SLC30A7: variants seen among roughly 807,000 people sequenced by gnomAD.
SLC30A7 encodes the protein zinc transporter 7.
SLC30A7 carries 35 observed loss-of-function variants against 46.0 expected under a neutral mutation model. That is an observed-to-expected ratio of 0.76 (90% CI 0.58 to 1.01). The LOEUF (loss-of-function observed/expected upper bound fraction) is 1.01, where lower values mean the gene tolerates loss of function less well. SLC30A7 is among the 50% of genes least tolerant of loss of function. The pLI is 0.00. For missense variants in SLC30A7, 464 were observed against 451.1 expected (o/e 1.03, Z -0.26); for synonymous variants, 147 against 157.8 (o/e 0.93, Z 0.51).
At chr1:100,993,559 A>AATATATATATATATATATATAAATATAT in the SLC30A7 span, among the ~76,000 whole-genome samples, 1 of 56,536 alleles carries the variant, frequency 1.8e-5, no homozygotes, top group African/African-American at 6.2e-5. Flanking sequence ...CGAAAATATA[A>AATATATATATATATATATATAAATATAT]ATATATATAT....
chr1:100,921,133 T>C (rs556846451), intron 7 of SLC30A7, among the ~76,000 whole-genome samples: 2 of 152,234 alleles, frequency 1.3e-5, no homozygotes, highest in South Asian at 4.1e-4. Context: ...TTAAAAATAT[T>C]CAAATCAGTG....
intron 5 of SLC30A7, 73 bp from the exon 6 acceptor site, chr1:100,913,590 A>T: frequency 9.4e-7 from 1 of 1,060,048 alleles, no homozygotes; most frequent in Non-Finnish European, 1.4e-6. Flanking sequence ...TCTTTGCGCT[A>T]GTGTCAGTAT....
intron 2 of SLC30A7, 51 bp from the exon 3 acceptor site, chr1:100,906,801 C>G (rs1361900156): frequency 8.5e-7 from 1 of 1,181,538 alleles, no homozygotes; most frequent in South Asian, 1.2e-5. Flanking sequence ...GAGAAAGATG[C>G]CTACTGTTTG....
chr1:100,939,503 C>A (rs939060912), intron 8 of SLC30A7, among the ~76,000 whole-genome samples: 11 of 151,900 alleles, frequency 7.2e-5, no homozygotes, highest in African/African-American at 1.9e-4. Context: ...ACACAGAAGT[C>A]GACTCGAACA....
Position 100,896,102 on chromosome 1 carries a change from A to T in SLC30A7, c.-161A>T, listed in dbSNP as rs1351634781. 1.1e-5 allele frequency: 7 copies of T among 652,350 alleles called. No individual in the cohort carries two copies. The South Asian group carries it at 1.2e-4, about 12-fold the overall frequency. The allele number at this position is 652,350 out of a possible 1,614,324, so 40.4% of individuals were successfully genotyped here. On this transcript the variant is annotated 5_prime_UTR_variant, in exon 1 of 11. Transcript: ENST00000357650. ...CGCGGCCCGGGCCGGAAGTAAGCGA[A>T]TTCCCGGGTGTGTGTCTGTGTCTGT... is the stretch of plus-strand genomic sequence containing the variant.
chr1:100,912,087 T>C, intron 4 of SLC30A7, 25 bp from the exon 5 acceptor site: 1 of 1,602,202 alleles, frequency 6.2e-7, no homozygotes, highest in South Asian at 1.1e-5. Flanking sequence ...ATCTATGCTA[T>C]TTGTTTGTAT....
chr1:100,906,966 G>A lies in SLC30A7; in HGVS notation c.296+1G>A. On this transcript the variant is annotated splice_donor_variant, in intron 3 of 10. Transcript: ENST00000357650. LOFTEE classifies it high-confidence loss of function. ...GAGATAATGATGCTTTCTCCTATGGGTAAGACTTTAAGAAAAAAAATCTTT... is the reference window on the plus strand; with the variant it reads ...GAGATAATGATGCTTTCTCCTATGGATAAGACTTTAAGAAAAAAAATCTTT... 1.3e-6 allele frequency: 2 copies of A among 1,586,912 alleles called. No homozygotes were observed. The highest frequency in any genetic ancestry group is 1.4e-5 in the African/African-American group (1 of 73,908).
intron 3 of SLC30A7, among the ~76,000 whole-genome samples, chr1:100,908,092 C>T (rs1243651092): frequency 6.6e-6 from 1 of 151,960 alleles, no homozygotes; most frequent in Non-Finnish European, 1.5e-5. Flanking sequence ...CACTGATTCT[C>T]CTTCCCTGAG....
intron 8 of SLC30A7, among the ~76,000 whole-genome samples, chr1:100,925,958 T>G (rs1373377852): frequency 1.3e-5 from 2 of 152,202 alleles, no homozygotes; most frequent in Non-Finnish European, 2.9e-5. Flanking sequence ...CCACCCCTTC[T>G]GTTTTCCTGG....
the SLC30A7 span, among the ~76,000 whole-genome samples, chr1:100,992,431 C>T: frequency 2.0e-5 from 3 of 152,172 alleles, no homozygotes; most frequent in Admixed American, 6.5e-5. Flanking sequence ...GTTAATTATA[C>T]TATAAAAGAA....
downstream of SLC30A7, among the ~76,000 whole-genome samples, chr1:100,986,409 T>TAAAA (rs568152369): frequency 7.7e-6 from 1 of 129,054 alleles, no homozygotes; most frequent in Non-Finnish European, 1.7e-5. Flanking sequence ...AACTCTTGTC[T>TAAAA]AAAAAAAAAA....
rs1656373984 is a variant in SLC30A7 at position 100,974,877 on chromosome 1, C to T, written c.*20C>T. 1.3e-6 allele frequency: 2 copies of T among 1,594,606 alleles called. No individual in the cohort carries two copies. Among genetic ancestry groups the T allele is most frequent in the Non-Finnish European group, 1.7e-6 (2 of 1,166,272 alleles). The stretch of plus-strand genomic sequence containing the variant: ...ATGTAGTGAATGGAAAGAAATTATG[C>T]ACCTTTTATGGACCAAATTTTTCTG... On this transcript the variant is annotated 3_prime_UTR_variant, in exon 11 of 11. Transcript: ENST00000357650.
intron 10 of SLC30A7, among the ~76,000 whole-genome samples, chr1:100,973,808 T>C (rs1656301623): frequency 6.6e-6 from 1 of 152,086 alleles, no homozygotes; most frequent in Non-Finnish European, 1.5e-5. Context: ...AAAATATATA[T>C]ATCTATAGGC....
intron 8 of SLC30A7, among the ~76,000 whole-genome samples, chr1:100,955,078 C>T (rs1655157366): frequency 6.6e-6 from 1 of 152,102 alleles, no homozygotes; most frequent in Non-Finnish European, 1.5e-5. Context: ...CATTTATTCT[C>T]AGATCTAAGT....
intron 8 of SLC30A7, among the ~76,000 whole-genome samples, chr1:100,931,786 A>G (rs559615507): frequency 1.3e-5 from 2 of 152,338 alleles, no homozygotes; most frequent in South Asian, 4.1e-4. Context: ...CCATCTTCCA[A>G]TCAGAGTTAT....
At position 100,896,185 on chromosome 1, in the gene SLC30A7, G is replaced by A; in HGVS notation, c.-78G>A. 1.5e-6 allele frequency: 2 copies of A among 1,290,578 alleles called. No homozygotes were observed. The highest frequency in any genetic ancestry group is 2.3e-5 in the East Asian group (1 of 43,210). 79.9% of individuals were successfully genotyped at this position (1,290,578 alleles called of 1,614,324 possible). A position where few individuals can be genotyped will look rare whatever the true frequency, so the allele number is the denominator to read the frequency against. The stretch of plus-strand genomic sequence containing the variant: ...AGCGCTGGGGATTCCCGTTTGAGGC[G>A]TCACTACTGTCACTGCCATCACCCC... On this transcript the variant is annotated 5_prime_UTR_variant, in exon 1 of 11. Transcript: ENST00000357650.
chr1:100,941,058 G>A, intron 8 of SLC30A7: 1 of 323,142 alleles, frequency 3.1e-6, no homozygotes, highest in Non-Finnish European at 6.0e-6. Flanking sequence ...TATTGGAACT[G>A]CCACAGCCAC....
the SLC30A7 span, chr1:100,995,134 T>C: frequency 6.3e-7 from 1 of 1,578,956 alleles, no homozygotes; most frequent in Non-Finnish European, 8.7e-7. Context: ...CAAAGACTGC[T>C]CCTTTACTTT....
chr1:100,926,026 C>T (rs1350120941), intron 8 of SLC30A7, among the ~76,000 whole-genome samples: 1 of 152,126 alleles, frequency 6.6e-6, no homozygotes, highest in Non-Finnish European at 1.5e-5. Context: ...GTCAGGGGCC[C>T]TTTCAATATA....
Sources: allele counts gnomAD v4.1 joint callset (sites outside exome capture counted in the v4.1 genomes callset), GRCh38; gene constraint gnomAD v4.1.1; transcripts MANE v1.5; gene names NCBI Gene and HGNC (gene_info 2026-07-23, HGNC 2026-07-21).